The following ATRNL1 variants were observed in gnomAD, a reference collection of about 807,000 sequenced individuals.
The protein encoded by ATRNL1 is attractin-like protein 1.
A neutral mutation model predicts 182.7 loss-of-function variants in ATRNL1; 95 were observed. That is an observed-to-expected ratio of 0.52 (90% CI 0.44 to 0.62). The LOEUF is 0.62. Ranked by LOEUF, ATRNL1 falls within the 20% of genes least tolerant of loss-of-function variation. ATRNL1 has a pLI of 0.00. For synonymous variants in ATRNL1, 576 were observed against 568.3 expected, an observed-to-expected ratio of 1.01 and a Z score of -0.19; for missense variants, 1,471 against 1,679.5, an observed-to-expected ratio of 0.88 and a Z score of 2.17.
At chr10:115,180,384 T>G (rs1668484159) in intron 8 of ATRNL1, among the ~76,000 whole-genome samples, 2 of 152,142 alleles carry the variant, frequency 1.3e-5, no homozygotes, top group South Asian at 4.1e-4. Context: ...CCAAGATTCA[T>G]CCATGTCATT....
At chr10:115,355,136 A>G (rs1204563159) in intron 19 of ATRNL1, among the ~76,000 whole-genome samples, 2 of 152,146 alleles carry the variant, frequency 1.3e-5, no homozygotes, top group African/African-American at 2.4e-5. Context: ...AGAATTGGTC[A>G]TGGGTGCCTC....
At chr10:115,618,341 A>G (rs546682826) in intron 26 of ATRNL1, among the ~76,000 whole-genome samples, 28 of 152,170 alleles carry the variant, frequency 1.8e-4, no homozygotes, top group African/African-American at 6.0e-4. Flanking sequence ...ACCATCTTGT[A>G]TGTGGATGTC....
chr10:115,759,484 C>T (rs1433760953), intron 27 of ATRNL1, among the ~76,000 whole-genome samples: 2 of 151,976 alleles, frequency 1.3e-5, no homozygotes, highest in African/African-American at 4.8e-5. Context: ...CAGATGACCC[C>T]TGGGGGAGTG....
intron 26 of ATRNL1, among the ~76,000 whole-genome samples, chr10:115,554,624 C>T (rs541874032): frequency 6.6e-6 from 1 of 151,776 alleles, no homozygotes; most frequent in African/African-American, 2.4e-5. Flanking sequence ...CAGACACACA[C>T]ACACACATAC....
chr10:115,104,607 G>T (rs1554865441), intron 1 of ATRNL1, among the ~76,000 whole-genome samples: 1 of 152,116 alleles, frequency 6.6e-6, no homozygotes, highest in Non-Finnish European at 1.5e-5. Context: ...TATTACTCAA[G>T]AAATCTTTGC....
At chr10:115,618,566 C>T (rs558365892) in intron 26 of ATRNL1, among the ~76,000 whole-genome samples, 75 of 150,784 alleles carry the variant, frequency 5.0e-4, no homozygotes, top group African/African-American at 1.8e-3. Flanking sequence ...TTCAAAATAC[C>T]TTTCTTCAAG....
At chr10:115,429,932 G>A (rs566605591) in intron 21 of ATRNL1, among the ~76,000 whole-genome samples, 37 of 152,192 alleles carry the variant, frequency 2.4e-4, no homozygotes, top group African/African-American at 6.0e-4. Flanking sequence ...TTAGCCGGGC[G>A]TGGTGGCGGG....
intron 13 of ATRNL1, among the ~76,000 whole-genome samples, chr10:115,278,905 T>G (rs1852223317): frequency 1.3e-5 from 2 of 151,926 alleles, no homozygotes; most frequent in Admixed American, 1.3e-4. Context: ...CATATGAACA[T>G]ATAAGACTTG....
intron 8 of ATRNL1, among the ~76,000 whole-genome samples, chr10:115,202,754 G>C (rs1848635786): frequency 6.8e-6 from 1 of 146,278 alleles, no homozygotes; most frequent in Non-Finnish European, 1.5e-5. Context: ...CATAAAATGA[G>C]TTAGGGAGGA....
chr10:115,454,175 G>C (rs960986732), intron 21 of ATRNL1, among the ~76,000 whole-genome samples: 54 of 151,992 alleles, frequency 3.6e-4, no homozygotes, highest in African/African-American at 1.3e-3. Flanking sequence ...TCCCCATTGT[G>C]TTCTTGGCAT....
At chr10:115,213,135 C>A (rs928908781) in intron 8 of ATRNL1, among the ~76,000 whole-genome samples, 1 of 152,028 alleles carries the variant, frequency 6.6e-6, no homozygotes, top group African/African-American at 2.4e-5. Flanking sequence ...TCATTCAAGT[C>A]GTGATTTTTC....
At chr10:115,594,256 A>T (rs1353795021) in intron 26 of ATRNL1, among the ~76,000 whole-genome samples, 8 of 152,118 alleles carry the variant, frequency 5.3e-5, no homozygotes, top group African/African-American at 1.9e-4. Flanking sequence ...TGAATTCTAT[A>T]TTATAAATAC....
At chr10:115,510,520 G>T (rs10787575) in intron 24 of ATRNL1, among the ~76,000 whole-genome samples, 75,013 of 151,744 alleles carry the variant, frequency 0.49, 19,119 homozygotes, top group African/African-American at 0.56. Context: ...ATCATTAGCA[G>T]TTTTTAGCCA....
chr10:115,654,720 AT>A (rs1164597286), intron 26 of ATRNL1, among the ~76,000 whole-genome samples: 2 of 152,122 alleles, frequency 1.3e-5, no homozygotes, highest in Admixed American at 1.3e-4. Flanking sequence ...AAATAGGGTC[AT>A]TTTTATTATT....
chr10:115,728,095 G>A (rs1271783750), intron 27 of ATRNL1, among the ~76,000 whole-genome samples: 2 of 118,832 alleles, frequency 1.7e-5, no homozygotes, highest in East Asian at 5.4e-4. Flanking sequence ...CTAACATGGT[G>A]AAACCCCGTC....
At chr10:115,357,428 ACTAATT>A (rs1361763719) in intron 19 of ATRNL1, among the ~76,000 whole-genome samples, 1 of 151,908 alleles carries the variant, frequency 6.6e-6, no homozygotes, top group Non-Finnish European at 1.5e-5. Flanking sequence ...GTGCATGAAT[ACTAATT>A]AGTGATGGTG....
At chr10:115,473,789 T>A (rs78719038) in intron 24 of ATRNL1, among the ~76,000 whole-genome samples, 2,356 of 151,464 alleles carry the variant, frequency 0.016, 57 homozygotes, top group African/African-American at 0.054. Context: ...TTTCACATGA[T>A]TCAGTCTTGG....
At chr10:115,688,025 G>A (rs1555046868) in intron 26 of ATRNL1, among the ~76,000 whole-genome samples, 2 of 151,976 alleles carry the variant, frequency 1.3e-5, no homozygotes, top group Admixed American at 6.6e-5. Flanking sequence ...CTATACCCAT[G>A]AAATCAAGTC....
intron 8 of ATRNL1, among the ~76,000 whole-genome samples, chr10:115,198,848 T>C (rs1258691947): frequency 6.6e-6 from 1 of 152,190 alleles, no homozygotes; most frequent in Non-Finnish European, 1.5e-5. Context: ...TCCCCTGTTC[T>C]GTTTCACTGG....
Sources: allele counts gnomAD v4.1 joint callset (sites outside exome capture counted in the v4.1 genomes callset), GRCh38; gene constraint gnomAD v4.1.1; transcripts MANE v1.5; gene names NCBI Gene and HGNC (gene_info 2026-07-23, HGNC 2026-07-21).